Variants in EYS observed in about 807,000 individuals in gnomAD.
EYS encodes the protein protein eyes shut homolog.
In EYS, 250 loss-of-function variants were observed where a neutral mutation model predicts 282.1. The ratio of observed to expected loss-of-function variants is 0.89; its 90% CI spans 0.80 to 0.98. The LOEUF (loss-of-function observed/expected upper bound fraction) is 0.98, where lower values mean the gene tolerates loss of function less well. Among genes scored for constraint, EYS ranks in the 50% least tolerant of loss-of-function variants. The pLI is 0.00. For missense variants in EYS, 4,016 were observed against 3,709.0 expected (o/e 1.08, Z -2.15); for synonymous variants, 1,355 against 1,282.9 (o/e 1.06, Z -1.20).
intron 33 of EYS, among the ~76,000 whole-genome samples, chr6:64,018,799 G>C (rs1769029074): frequency 9.6e-6 from 1 of 104,160 alleles, no homozygotes; most frequent in South Asian, 3.4e-4. Context: ...TGTCGAGACA[G>C]AGTCTCACTC....
At chr6:64,732,927 C>T (rs959457594) in intron 22 of EYS, among the ~76,000 whole-genome samples, 1 of 152,182 alleles carries the variant, frequency 6.6e-6, no homozygotes, top group South Asian at 2.1e-4. Flanking sequence ...CTCTAAAACA[C>T]TAGGTAATCT....
At chr6:64,598,511 A>G (rs1279602405) in intron 24 of EYS, among the ~76,000 whole-genome samples, 1 of 152,170 alleles carries the variant, frequency 6.6e-6, no homozygotes, top group African/African-American at 2.4e-5. Context: ...AAGATGATAT[A>G]GTAATTTCTA....
At chr6:64,370,144 G>A (rs983983186) in intron 29 of EYS, among the ~76,000 whole-genome samples, 2 of 152,056 alleles carry the variant, frequency 1.3e-5, no homozygotes, top group African/African-American at 4.8e-5. Flanking sequence ...AGCCCATTCA[G>A]TATGATACTA....
intron 26 of EYS, among the ~76,000 whole-genome samples, chr6:64,506,969 C>T (rs1292728555): frequency 8.4e-6 from 1 of 118,952 alleles, no homozygotes; most frequent in Non-Finnish European, 1.6e-5. Context: ...CCTCCAGTTT[C>T]AGTTTTTTTT....
chr6:65,505,151 ATT>A (rs1766608613), intron 2 of EYS, among the ~76,000 whole-genome samples: 1 of 151,856 alleles, frequency 6.6e-6, no homozygotes, highest in Non-Finnish European at 1.5e-5. Context: ...CACTCAAGAA[ATT>A]TGTCTATTTT....
rs11967334 is a variant in EYS at position 63,939,493 on chromosome 6, A to G, written c.7055+44890T>C. On this transcript the variant is annotated intron_variant, in intron 35 of 42. Transcript: ENST00000503581. ...CTTTCTTTCTGGGTTTAGGAGTTTT[A>G]CAAAGTGAATTTTAATGAGAAATAT... Among the ~76,000 whole-genome samples the G allele has an allele frequency of 7.2e-3, 1,099 of 152,334 alleles. 14 individuals are homozygous for G. Among genetic ancestry groups the G allele is most frequent in the African/African-American group, 0.024 (1,016 of 41,578 alleles).
Position 64,590,276 on chromosome 6 carries a change from A to G in EYS, c.5591T>C (p.Leu1864Pro). The change falls in exon 26 of 43, where the codon CTT becomes CCT. Residue 1864 changes from leucine (L) to proline (P), a missense_variant. Leu to Pro is a moderately conservative substitution (Grantham distance 98, BLOSUM62 -3). Transcript: ENST00000503581. Reference sequence around the variant, plus strand: ...AATGGATTCCAGTGAAGACAAAGTAAGAGATCTAGTGAAGGGAAGATGCCG... The same window carrying G: ...AATGGATTCCAGTGAAGACAAAGTAGGAGATCTAGTGAAGGGAAGATGCCG... ...ASRHLPFTRS[L>P]TLSSLESILA... 1 of 1,550,956 alleles carries G rather than the reference A, an allele frequency of 6.4e-7. No individual in the cohort carries two copies. The highest frequency in any genetic ancestry group is 8.7e-7 in the Non-Finnish European group (1 of 1,146,506).
At chr6:64,148,735 GA>G (rs1774604804) in intron 31 of EYS, among the ~76,000 whole-genome samples, 1 of 152,062 alleles carries the variant, frequency 6.6e-6, no homozygotes, top group South Asian at 2.1e-4. Flanking sequence ...AGGGATCTCT[GA>G]AAAAATTATA....
chr6:64,218,074 CTCTA>C (rs1453431524), intron 31 of EYS, among the ~76,000 whole-genome samples: 2 of 152,280 alleles, frequency 1.3e-5, no homozygotes, highest in South Asian at 2.1e-4. Flanking sequence ...CACATAATGA[CTCTA>C]TCTAAGCCTC....
intron 26 of EYS, among the ~76,000 whole-genome samples, chr6:64,562,905 G>T (rs1765444590): frequency 6.6e-6 from 1 of 151,778 alleles, no homozygotes; most frequent in Admixed American, 6.6e-5. Flanking sequence ...ATTTTCATTT[G>T]GTTGCAGACA....
At chr6:65,630,331 G>T (rs967967362) in intron 2 of EYS, among the ~76,000 whole-genome samples, 2 of 152,176 alleles carry the variant, frequency 1.3e-5, no homozygotes, top group Admixed American at 6.5e-5. Context: ...TAGATACTAA[G>T]ATTGCTTGGG....
At chr6:65,000,970 C>T (rs1771444712) in intron 13 of EYS, among the ~76,000 whole-genome samples, 1 of 152,216 alleles carries the variant, frequency 6.6e-6, no homozygotes, top group African/African-American at 2.4e-5. Context: ...CTGGCCTGCT[C>T]AGTTGCCGCA....
intron 22 of EYS, among the ~76,000 whole-genome samples, chr6:64,797,110 T>A (rs1774377084): frequency 6.6e-6 from 1 of 152,076 alleles, no homozygotes; most frequent in African/African-American, 2.4e-5. Flanking sequence ...TTAATCAATA[T>A]CAGCCAGCTC....
intron 31 of EYS, among the ~76,000 whole-genome samples, chr6:64,153,878 A>T (rs2150296234): frequency 6.6e-6 from 1 of 152,332 alleles, no homozygotes; most frequent in Non-Finnish European, 1.5e-5. Context: ...CTGTAAGGGG[A>T]AAATACAAAC....
chr6:64,543,703 C>T (rs1764758011), intron 26 of EYS, among the ~76,000 whole-genome samples: 1 of 152,098 alleles, frequency 6.6e-6, no homozygotes, highest in Non-Finnish European at 1.5e-5. Flanking sequence ...GACTTAAAAT[C>T]CATCTCACTT....
chr6:64,841,877 C>G (rs984879581), intron 19 of EYS, among the ~76,000 whole-genome samples: 2 of 152,084 alleles, frequency 1.3e-5, no homozygotes, highest in African/African-American at 2.4e-5. Flanking sequence ...TACAAAAGAA[C>G]AAGATTAACT....
intron 12 of EYS, among the ~76,000 whole-genome samples, chr6:65,237,933 T>C (rs1252483653): frequency 6.6e-6 from 1 of 151,944 alleles, no homozygotes; most frequent in Non-Finnish European, 1.5e-5. Context: ...ATGGTAAAAA[T>C]TAAGACAGTA....
intron 11 of EYS, among the ~76,000 whole-genome samples, chr6:65,305,627 C>T (rs539587814): frequency 6.6e-6 from 1 of 152,234 alleles, no homozygotes; most frequent in South Asian, 2.1e-4. Flanking sequence ...TTTAAAGTGC[C>T]TCAGGGGTCC....
chr6:64,131,246 T>A (rs1003051950), intron 31 of EYS, among the ~76,000 whole-genome samples: 1 of 152,192 alleles, frequency 6.6e-6, no homozygotes, highest in South Asian at 2.1e-4. Flanking sequence ...TTATGTTGTT[T>A]AGAGATTTTA....
Sources: allele counts gnomAD v4.1 joint callset (sites outside exome capture counted in the v4.1 genomes callset), GRCh38; gene constraint gnomAD v4.1.1; transcripts MANE v1.5; gene names NCBI Gene and HGNC (gene_info 2026-07-23, HGNC 2026-07-21).